The following OLAH variants were observed in gnomAD, a reference collection of about 807,000 sequenced individuals.
OLAH encodes the protein oleoyl-ACP hydrolase, also known as S-acyl fatty acid synthase thioesterase, medium chain.
Under a neutral mutation model 27.8 loss-of-function variants are expected in OLAH, and 33 were observed. The observed-to-expected ratio is 1.19, with a 90% confidence interval of 0.90 to 1.59. OLAH has a LOEUF of 1.59. OLAH is among the 40% of genes most tolerant of loss of function. The probability of loss-of-function intolerance (pLI) is 0.00; values close to 1 mark genes in which losing one functional copy is unlikely to be tolerated. For synonymous variants in OLAH, 120 were observed against 102.9 expected (o/e 1.17, Z -1.01); for missense variants, 359 against 310.8 (o/e 1.16, Z -1.17).
chr10:15,056,832 T>A, intron 3 of OLAH: 1 of 1,501,956 alleles, frequency 6.7e-7, no homozygotes, highest in African/African-American at 1.4e-5. Context: ...AGAGACAGCA[T>A]CTCACCATGT....
At chr10:15,068,991 T>C (rs182320177) in intron 6 of OLAH, among the ~76,000 whole-genome samples, 12 of 152,322 alleles carry the variant, frequency 7.9e-5, no homozygotes, top group African/African-American at 2.9e-4. Flanking sequence ...TGGCGTTCAA[T>C]GTTCCCTGTG....
At chr10:15,051,411 T>C (rs1438051928) in intron 3 of OLAH, among the ~76,000 whole-genome samples, 1 of 152,256 alleles carries the variant, frequency 6.6e-6, no homozygotes, top group Admixed American at 6.5e-5. Flanking sequence ...ATCCCGTCTC[T>C]GTGCTTCATC....
chr10:15,038,890 C>T (rs550865700), intron 1 of OLAH, among the ~76,000 whole-genome samples: 1 of 152,218 alleles, frequency 6.6e-6, no homozygotes, highest in South Asian at 2.1e-4. Flanking sequence ...ACCAGTACTG[C>T]CCTGAATTCT....
At chr10:15,038,040 A>C (rs1843868311) in intron 1 of OLAH, among the ~76,000 whole-genome samples, 1 of 152,234 alleles carries the variant, frequency 6.6e-6, no homozygotes. Flanking sequence ...CACTTCTTGC[A>C]TTAGTGTGAC....
At chr10:15,062,892 C>A (rs1290931332) in intron 4 of OLAH, among the ~76,000 whole-genome samples, 3 of 151,988 alleles carry the variant, frequency 2.0e-5, no homozygotes. Flanking sequence ...GCACACACGA[C>A]CATACCTGGC....
chr10:15,038,649 C>G (rs917289991), intron 1 of OLAH: 1 of 152,336 alleles, frequency 6.6e-6, no homozygotes, highest in African/African-American at 2.4e-5. Flanking sequence ...TTGCCTTCCA[C>G]CATGATTGTG....
At chr10:15,040,817 G>C (rs1256735360), upstream of OLAH, among the ~76,000 whole-genome samples, 1 of 152,172 alleles carries the variant, frequency 6.6e-6, no homozygotes, top group Non-Finnish European at 1.5e-5. Context: ...CAGAAAATCA[G>C]TGATGATTAC....
chr10:15,058,766 C>G (rs1044706367), intron 3 of OLAH, among the ~76,000 whole-genome samples: 1 of 152,260 alleles, frequency 6.6e-6, no homozygotes, highest in Non-Finnish European at 1.5e-5. Context: ...TGCAAGTCTG[C>G]TGGCATTGAA....
chr10:15,050,539 A>ATTTTT (rs764081489), intron 3 of OLAH, among the ~76,000 whole-genome samples: 2 of 109,046 alleles, frequency 1.8e-5, no homozygotes, highest in African/African-American at 3.7e-5. Context: ...AAGTGCTAGG[A>ATTTTT]TTTTTTTTTT....
rs116746939 is a variant in OLAH, at chr10:15,053,601, A to G, written c.163+3836A>G. Among the ~76,000 whole-genome samples, 1,191 of 152,288 alleles carry G rather than the reference A, an allele frequency of 7.8e-3. 16 individuals carry two copies. The highest frequency in any genetic ancestry group is 0.027 in the African/African-American group (1,134 of 41,540). On this transcript the variant is annotated intron_variant, in intron 3 of 7. Coordinates refer to ENST00000378228, the MANE Select transcript of OLAH (RefSeq NM_001039702.3). ...GGATGCAACCCCCCGAAGCATGCCA[A>G]TGTATAAAACCCCAAGTCAAAGGTC...
chr10:15,057,298 C>G (rs1030039447), intron 3 of OLAH, among the ~76,000 whole-genome samples: 2 of 151,936 alleles, frequency 1.3e-5, no homozygotes, highest in African/African-American at 4.8e-5. Context: ...GTTGGCTTAG[C>G]AACGCTTACT....
intron 6 of OLAH, among the ~76,000 whole-genome samples, chr10:15,070,654 G>C (rs1202764411): frequency 1.3e-5 from 2 of 151,792 alleles, no homozygotes; most frequent in Non-Finnish European, 2.9e-5. Flanking sequence ...TGCTAGTTTT[G>C]TATTTTTAGT....
Position 15,037,937 on chromosome 10 carries a change from C to G in OLAH, c.-164+5587C>G, listed in dbSNP as rs557162716. On this transcript the variant is annotated intron_variant, in intron 1 of 3. Transcript: ENST00000413672. ...AGGCCAGGAACGCTGCCTGGATGAA[C>G]CAGGAAAAACCCTGCTCCAGCCCTC... Among the ~76,000 whole-genome samples, 3 of 152,356 alleles carry G rather than the reference C, an allele frequency of 2.0e-5. No homozygotes were observed. In the East Asian group the frequency reaches 5.8e-4, roughly 29 times the overall value.
intron 7 of OLAH, 98 bp downstream of exon 7, chr10:15,071,975 C>A: frequency 1.2e-6 from 1 of 846,554 alleles, no homozygotes; most frequent in Non-Finnish European, 1.9e-6. Context: ...GCCCTGTCAC[C>A]CAGGCTGGAG....
At chr10:15,058,917 C>CCTTT (rs1456478779) in intron 3 of OLAH, among the ~76,000 whole-genome samples, 6 of 116,538 alleles carry the variant, frequency 5.1e-5, no homozygotes, top group Admixed American at 1.7e-4. Flanking sequence ...CCTATTTCTC[C>CCTTT]CCTTCCTTCC....
At chr10:15,064,275 A>G (rs571287657) in intron 4 of OLAH, 128 bp from the exon 5 acceptor site, 2 of 624,332 alleles carry the variant, frequency 3.2e-6, no homozygotes, top group East Asian at 3.1e-5. Context: ...TTCTTAATCA[A>G]CTCACACTTT....
upstream of OLAH, among the ~76,000 whole-genome samples, chr10:15,041,912 C>T (rs1171228709): frequency 2.0e-5 from 3 of 151,946 alleles, no homozygotes; most frequent in African/African-American, 7.3e-5. Context: ...CTGGGCTCTT[C>T]CTGAGAGGCC....
At chr10:15,065,992 G>C (rs1055419510) in intron 6 of OLAH, among the ~76,000 whole-genome samples, 1 of 152,150 alleles carries the variant, frequency 6.6e-6, no homozygotes, top group Admixed American at 6.5e-5. Flanking sequence ...TATAATTCCA[G>C]CACTTTGGGA....
intron 1 of OLAH, among the ~76,000 whole-genome samples, chr10:15,035,430 C>G (rs1843826911): frequency 6.6e-6 from 1 of 151,910 alleles, no homozygotes; most frequent in Admixed American, 6.6e-5. Flanking sequence ...AGCCTTGACT[C>G]ATGGGGGAAG....
Sources: allele counts gnomAD v4.1 joint callset (sites outside exome capture counted in the v4.1 genomes callset), GRCh38; gene constraint gnomAD v4.1.1; transcripts MANE v1.5; gene names NCBI Gene and HGNC (gene_info 2026-07-23, HGNC 2026-07-21).